The following AHCYL1 variants were observed in gnomAD, a reference collection of about 807,000 sequenced individuals.
The protein encoded by AHCYL1 is S-adenosylhomocysteine hydrolase-like protein 1.
In AHCYL1, 20 loss-of-function variants were observed where a neutral mutation model predicts 79.3. The ratio of observed to expected loss-of-function variants is 0.25; its 90% CI spans 0.18 to 0.37. The LOEUF (loss-of-function observed/expected upper bound fraction) is 0.37. Among genes scored for constraint, AHCYL1 ranks in the 10% least tolerant of loss-of-function variants. AHCYL1 has a pLI of 1.00. For missense variants in AHCYL1, 330 were observed against 673.6 expected (o/e 0.49, Z 5.65); for synonymous variants, 223 against 242.2 (o/e 0.92, Z 0.74).
intron 2 of AHCYL1, among the ~76,000 whole-genome samples, chr1:110,010,877 T>C (rs537509219): frequency 6.6e-6 from 1 of 152,212 alleles, no homozygotes; most frequent in African/African-American, 2.4e-5. Flanking sequence ...ATTCTTCTGT[T>C]TTTGCCAGGT....
At position 110,021,921 on chromosome 1, in the gene AHCYL1, C is replaced by G. The variant is rs1456064061; in HGVS notation, c.*241C>G. The G allele has an allele frequency of 2.1e-6, 1 of 465,358 alleles. No individual in the cohort carries two copies. Among genetic ancestry groups the G allele is most frequent in the Non-Finnish European group, 3.8e-6 (1 of 265,746 alleles). 28.8% of individuals were successfully genotyped at this position (465,358 alleles called of 1,614,324 possible). A position where few individuals can be genotyped will look rare whatever the true frequency, so the allele number is the denominator to read the frequency against. On this transcript the variant is annotated 3_prime_UTR_variant, in exon 17 of 17. Coordinates refer to ENST00000369799, the MANE Select transcript of AHCYL1 (RefSeq NM_006621.7). Reference sequence around the variant, plus strand: ...AGTCACTAAAGAAGGATTTTACTCTCCCAGCCCAGAAAGGTGATTCTTTCT... The same window carrying G: ...AGTCACTAAAGAAGGATTTTACTCTGCCAGCCCAGAAAGGTGATTCTTTCT...
At chr1:109,986,261 G>A (rs1649461269) in intron 1 of AHCYL1, among the ~76,000 whole-genome samples, 1 of 151,846 alleles carries the variant, frequency 6.6e-6, no homozygotes, top group Admixed American at 6.6e-5. Context: ...AGCAAGGGCT[G>A]CAGGAATAGT....
chr1:109,993,578 C>A (rs1431647461), intron 1 of AHCYL1, among the ~76,000 whole-genome samples: 1 of 152,194 alleles, frequency 6.6e-6, no homozygotes, highest in Admixed American at 6.5e-5. Flanking sequence ...AGAGCCCTCT[C>A]ACATAGGTAT....
chr1:109,992,083 G>A (rs1406920372), intron 1 of AHCYL1, among the ~76,000 whole-genome samples: 1 of 151,854 alleles, frequency 6.6e-6, no homozygotes, highest in Admixed American at 6.6e-5. Context: ...TCTGGGGGCG[G>A]GGGGAAGAAA....
rs538040095 is a variant in AHCYL1, at chr1:109,987,987, A to G, written c.120+2815A>G. Among the ~76,000 whole-genome samples the G allele has an allele frequency of 1.6e-3, 243 of 152,316 alleles. 1 individual carries two copies. Among genetic ancestry groups the G allele is most frequent in the African/African-American group, 5.6e-3 (234 of 41,558 alleles). On this transcript the variant is annotated intron_variant, in intron 1 of 16. Coordinates refer to ENST00000369799, the MANE Select transcript of AHCYL1 (RefSeq NM_006621.7). ...TTCGTATATTTATATTCTTTCTTCAATGGGCATTTGAAGTGGCTTATAACA... is the reference window on the plus strand; with the variant it reads ...TTCGTATATTTATATTCTTTCTTCAGTGGGCATTTGAAGTGGCTTATAACA...
intron 1 of AHCYL1, among the ~76,000 whole-genome samples, chr1:109,995,291 G>T (rs1203604956): frequency 1.3e-5 from 2 of 152,132 alleles, no homozygotes; most frequent in Non-Finnish European, 2.9e-5. Context: ...GGAGCAGGGG[G>T]TTCATAATTC....
chr1:110,015,672 T>C (rs2101736970), intron 7 of AHCYL1, 141 bp downstream of exon 7: 1 of 663,402 alleles, frequency 1.5e-6, no homozygotes, highest in South Asian at 2.3e-5. Context: ...TTTTTACTTT[T>C]GAAAAATCAA....
chr1:109,993,574 C>CT (rs1649874448), intron 1 of AHCYL1, among the ~76,000 whole-genome samples: 1 of 152,154 alleles, frequency 6.6e-6, no homozygotes, highest in Non-Finnish European at 1.5e-5. Context: ...ACTTAGAGCC[C>CT]TCTCACATAG....
Position 110,012,904 on chromosome 1 carries a change from T to C in AHCYL1, c.485T>C (p.Ile162Thr). ...TCCTACACTTCTACACAGGTGTTGATTGAGACACTCTGTGCCCTGGGGGCT... is the reference window on the plus strand; with the variant it reads ...TCCTACACTTCTACACAGGTGTTGACTGAGACACTCTGTGCCCTGGGGGCT... Reference protein sequence around the residue: ...THITAQTAVLIETLCALGAQC... With the variant: ...THITAQTAVLTETLCALGAQC... The change falls in exon 5 of 17, where the codon ATT (isoleucine) becomes ACT (threonine). Residue 162 changes from isoleucine (I) to threonine (T), a missense_variant. Physicochemically the swap from Ile to Thr is moderately conservative, Grantham distance 89. Coordinates refer to ENST00000369799, the MANE Select transcript of AHCYL1 (RefSeq NM_006621.7). 1 of 1,611,100 alleles carries C rather than the reference T, an allele frequency of 6.2e-7. No homozygotes were observed. The highest frequency in any genetic ancestry group is 8.5e-7 in the Non-Finnish European group (1 of 1,179,212).
At position 110,012,459 on chromosome 1, in the gene AHCYL1, A is replaced by G. The variant is rs147232549; in HGVS notation, c.474A>G (p.Thr158=). The G allele has an allele frequency of 1.6e-4, 256 of 1,593,262 alleles. 2 individuals are homozygous for G. The African/African-American group carries it at 3.1e-3, about 19-fold the overall frequency. The part of the protein sequence containing the change: ...IVGCTHITAQ[T]AVLIETLCAL... ...GCTGTACACACATCACAGCCCAGACAGCGGTGAGTTTGTTGGAAGAAAAGA... is the reference window on the plus strand; with the variant it reads ...GCTGTACACACATCACAGCCCAGACGGCGGTGAGTTTGTTGGAAGAAAAGA... The change falls in exon 4 of 17, where the codon ACA becomes ACG. Residue 158 remains threonine, a synonymous_variant. Coordinates refer to ENST00000369799, the MANE Select transcript of AHCYL1 (RefSeq NM_006621.7).
chr1:110,019,673 G>A, intron 15 of AHCYL1, 47 bp downstream of exon 15: 1 of 1,534,608 alleles, frequency 6.5e-7, no homozygotes, highest in East Asian at 2.3e-5. Flanking sequence ...GCATAGTTTG[G>A]TAAAATGACT....
intron 1 of AHCYL1, among the ~76,000 whole-genome samples, chr1:109,998,064 A>G (rs911403044): frequency 4.6e-5 from 7 of 152,192 alleles, no homozygotes; most frequent in African/African-American, 1.4e-4. Context: ...AAACCTTCCA[A>G]CCAGCTACTC....
rs1426898488 is a variant in AHCYL1 at position 109,991,073 on chromosome 1, T to C, written c.120+5901T>C. Among the ~76,000 whole-genome samples the C allele has an allele frequency of 2.0e-5, 3 of 152,336 alleles. No homozygotes were observed. The East Asian group carries it at 5.8e-4, about 29-fold the overall frequency. ...TAGAGTGGAGCATCCATGCCTTTGTTGAGAGACTCAGACTGCTTTCATTTT... is the reference window on the plus strand; with the variant it reads ...TAGAGTGGAGCATCCATGCCTTTGTCGAGAGACTCAGACTGCTTTCATTTT... On this transcript the variant is annotated intron_variant, in intron 1 of 16. Transcript: ENST00000369799.
intron 5 of AHCYL1, among the ~76,000 whole-genome samples, 157 bp from the exon 6 acceptor site, chr1:110,014,606 T>C (rs1651287258): frequency 6.6e-6 from 1 of 152,272 alleles, no homozygotes; most frequent in Admixed American, 6.5e-5. Context: ...CTAATTAATT[T>C]CTGAACCAAA....
At chr1:110,000,449 A>G (rs922201809) in intron 1 of AHCYL1, among the ~76,000 whole-genome samples, 4 of 152,242 alleles carry the variant, frequency 2.6e-5, no homozygotes, top group South Asian at 2.1e-4. Context: ...TTCCAGATCT[A>G]TGGAGCAGTA....
intron 1 of AHCYL1, among the ~76,000 whole-genome samples, chr1:110,003,052 A>T (rs1382154205): frequency 1.3e-5 from 2 of 152,174 alleles, no homozygotes; most frequent in Non-Finnish European, 2.9e-5. Context: ...CCTAACAACC[A>T]ACTGCATTTA....
chr1:110,017,913 C>G (rs1557775419), intron 10 of AHCYL1, 33 bp from the exon 11 acceptor site: 1 of 1,609,238 alleles, frequency 6.2e-7, no homozygotes, highest in South Asian at 1.1e-5. Context: ...TGCCTTCTTG[C>G]TTTACTCATA....
At chr1:109,998,804 C>A (rs1650157062) in intron 1 of AHCYL1, among the ~76,000 whole-genome samples, 1 of 152,118 alleles carries the variant, frequency 6.6e-6, no homozygotes, top group Non-Finnish European at 1.5e-5. Flanking sequence ...GGAAAATTTT[C>A]TCCGTTCATT....
At chr1:110,001,827 AAC>A (rs1273490019) in intron 1 of AHCYL1, among the ~76,000 whole-genome samples, 1 of 152,226 alleles carries the variant, frequency 6.6e-6, no homozygotes, top group Non-Finnish European at 1.5e-5. Context: ...AGTTCTTACA[AAC>A]ACAAAGGAAT....
Sources: allele counts gnomAD v4.1 joint callset (sites outside exome capture counted in the v4.1 genomes callset), GRCh38; gene constraint gnomAD v4.1.1; transcripts MANE v1.5; gene names NCBI Gene and HGNC (gene_info 2026-07-23, HGNC 2026-07-21).